The following MBD5 variants were observed in gnomAD, a reference collection of about 807,000 sequenced individuals.
MBD5 encodes the protein methyl-CpG binding domain protein 5.
Under a neutral mutation model 117.3 loss-of-function variants are expected in MBD5, and 13 were observed. The ratio of observed to expected loss-of-function variants is 0.11; its 90% CI spans 0.07 to 0.18. The LOEUF is 0.18. Ranked by LOEUF, MBD5 falls within the 10% of genes least tolerant of loss-of-function variation. The pLI, the probability that MBD5 is intolerant of heterozygous loss-of-function variation, is 1.00. For synonymous variants in MBD5, 727 were observed against 766.4 expected (o/e 0.95, Z 0.85); for missense variants, 1,879 against 2,093.8 (o/e 0.90, Z 2.00).
chr2:148,430,761 C>T (rs1300128696), intron 4 of MBD5, among the ~76,000 whole-genome samples: 1 of 151,976 alleles, frequency 6.6e-6, no homozygotes, highest in Non-Finnish European at 1.5e-5. Context: ...AATGAAAAAT[C>T]AACCTTAAAC....
intron 1 of MBD5, among the ~76,000 whole-genome samples, chr2:148,141,443 C>A (rs1377088105): frequency 1.3e-5 from 2 of 152,168 alleles, no homozygotes; most frequent in Non-Finnish European, 2.9e-5. Flanking sequence ...TCCAACAATT[C>A]ATTCCAACAG....
At chr2:148,376,419 C>T (rs1176632063) in intron 4 of MBD5, among the ~76,000 whole-genome samples, 2 of 151,186 alleles carry the variant, frequency 1.3e-5, no homozygotes, top group South Asian at 2.1e-4. Flanking sequence ...AGGCGCCCGC[C>T]ACAACGCCCG....
At chr2:148,411,512 CTTTTTTTTTTTT>C (rs1188326755) in intron 4 of MBD5, among the ~76,000 whole-genome samples, 1 of 97,450 alleles carries the variant, frequency 1.0e-5, no homozygotes, top group African/African-American at 4.0e-5. Context: ...AGCATCTGTT[CTTTTTTTTTTTT>C]TTTTTTTTTT....
intron 1 of MBD5, among the ~76,000 whole-genome samples, chr2:148,157,237 A>T (rs568091532): frequency 1.3e-5 from 2 of 152,072 alleles, no homozygotes; most frequent in Non-Finnish European, 2.9e-5. Context: ...TGCTGCACCC[A>T]TCCACCTGTC....
At chr2:148,168,699 C>T (rs1698185857) in intron 1 of MBD5, among the ~76,000 whole-genome samples, 1 of 151,830 alleles carries the variant, frequency 6.6e-6, no homozygotes, top group Non-Finnish European at 1.5e-5. Context: ...GCCATGATTG[C>T]GCTATTACAC....
intron 4 of MBD5, among the ~76,000 whole-genome samples, chr2:148,407,342 G>GTGTGT (rs1334534395): frequency 1.2e-5 from 1 of 82,746 alleles, no homozygotes; most frequent in African/African-American, 5.9e-5. Context: ...CTTTCTGAGT[G>GTGTGT]TGTGTGTGTG....
intron 1 of MBD5, among the ~76,000 whole-genome samples, chr2:148,162,721 C>T (rs370535361): frequency 6.6e-6 from 1 of 151,966 alleles, no homozygotes; most frequent in Admixed American, 6.6e-5. Context: ...AGGAAAAATA[C>T]ATTCTAACAA....
chr2:148,147,329 G>C (rs1408841208), intron 1 of MBD5, among the ~76,000 whole-genome samples: 1 of 151,510 alleles, frequency 6.6e-6, no homozygotes, highest in Non-Finnish European at 1.5e-5. Context: ...TGCAACCTCT[G>C]CCTCCTAGAT....
chr2:148,435,834 T>C (rs1017792402), intron 4 of MBD5, among the ~76,000 whole-genome samples: 15 of 152,204 alleles, frequency 9.9e-5, no homozygotes, highest in Admixed American at 9.8e-4. Flanking sequence ...CTCAAATATG[T>C]TTTCAAGGTT....
chr2:148,203,628 A>C (rs987145688), intron 2 of MBD5, among the ~76,000 whole-genome samples: 3 of 152,194 alleles, frequency 2.0e-5, no homozygotes, highest in Non-Finnish European at 2.9e-5. Context: ...GCAATTTTGC[A>C]AGTCTTCACA....
chr2:148,262,986 TC>T (rs1376551525), intron 3 of MBD5, among the ~76,000 whole-genome samples: 1 of 152,210 alleles, frequency 6.6e-6, no homozygotes, highest in Non-Finnish European at 1.5e-5. Context: ...CAATCAACTT[TC>T]TGATACATGA....
chr2:148,178,766 C>G lies in MBD5; in HGVS notation c.-858C>G, dbSNP rs946567989. ...CATTGAAGGCTTTATGGTTTACAGA[C>G]AAGATCTTTAGAAGATAAGCACTAA... On this transcript the variant is annotated 5_prime_UTR_variant, in exon 2 of 14. Transcript: ENST00000642680. 23 of 398,290 alleles carry G rather than the reference C, an allele frequency of 5.8e-5. No homozygotes were observed. The highest frequency in any genetic ancestry group is 1.3e-4 in the Admixed American group (3 of 22,700). The allele number at this position is 398,290 out of a possible 1,614,324, so 24.7% of individuals were successfully genotyped here. A position where few individuals can be genotyped will look rare whatever the true frequency, so the allele number is the denominator to read the frequency against.
At chr2:148,493,068 A>G (rs896993804) in intron 11 of MBD5, among the ~76,000 whole-genome samples, 1 of 152,208 alleles carries the variant, frequency 6.6e-6, no homozygotes, top group Admixed American at 6.5e-5. Context: ...CACTATGGCA[A>G]TGCCTGACAT....
At chr2:148,302,422 GACAC>G (rs1701793381) in intron 3 of MBD5, among the ~76,000 whole-genome samples, 1 of 152,126 alleles carries the variant, frequency 6.6e-6, no homozygotes, top group Admixed American at 6.5e-5. Flanking sequence ...AGCTACCTAA[GACAC>G]AGAACAGGCT....
intron 2 of MBD5, among the ~76,000 whole-genome samples, chr2:148,224,032 C>T (rs559393397): frequency 6.6e-6 from 1 of 152,254 alleles, no homozygotes; most frequent in African/African-American, 2.4e-5. Context: ...GTACAGTTTA[C>T]AAAATTCCTC....
At chr2:148,102,705 CACACACACACACACACACACACACAGAG>C (rs1558926371) in intron 1 of MBD5, among the ~76,000 whole-genome samples, 916 of 21,184 alleles carry the variant, frequency 0.043, 8 homozygotes, top group African/African-American at 0.075. Context: ...AGAGATCACA[CACACACACACACACACACACACACAGAG>C]AGAGAGAGAG....
chr2:148,362,306 G>T (rs532685576), intron 4 of MBD5, among the ~76,000 whole-genome samples: 68 of 152,234 alleles, frequency 4.5e-4, no homozygotes, highest in Non-Finnish European at 8.7e-4. Flanking sequence ...GGGGGGAGGG[G>T]CATCCACCAT....
At chr2:148,160,396 C>CA (rs1372078393) in intron 1 of MBD5, among the ~76,000 whole-genome samples, 10 of 148,684 alleles carry the variant, frequency 6.7e-5, no homozygotes, top group South Asian at 2.1e-4. Flanking sequence ...TACTCCATCT[C>CA]AAAAAAAAAG....
intron 4 of MBD5, among the ~76,000 whole-genome samples, chr2:148,353,721 C>A (rs1703302366): frequency 6.6e-6 from 1 of 152,002 alleles, no homozygotes; most frequent in South Asian, 2.1e-4. Context: ...CCTTAGACTA[C>A]AGGTGTGTGC....
Sources: gnomAD v4.1 joint callset for allele counts (sites outside exome capture counted in the v4.1 genomes callset) on GRCh38, gnomAD v4.1.1 for gene constraint, MANE v1.5 for transcripts, NCBI Gene and HGNC (gene_info 2026-07-23, HGNC 2026-07-21) for gene names.